Variants in TRNT1 observed in about 807,000 individuals in gnomAD.
TRNT1 encodes CCA tRNA nucleotidyltransferase 1, mitochondrial.
In TRNT1, 44 loss-of-function variants were observed where a neutral mutation model predicts 45.6. That is an observed-to-expected ratio of 0.97 (90% CI 0.76 to 1.24). The LOEUF is 1.24. Ranked by LOEUF, TRNT1 falls within the 50% of genes most tolerant of loss-of-function variation. TRNT1 has a pLI of 0.00. For missense variants in TRNT1, 633 were observed against 504.4 expected (o/e 1.25, Z -2.44); for synonymous variants, 201 against 171.4 (o/e 1.17, Z -1.35).
chr3:3,151,059 G>GAA (rs766649860), downstream of TRNT1: 2 of 1,613,410 alleles, frequency 1.2e-6, no homozygotes, highest in Non-Finnish European at 1.7e-6. Context: ...AGAAATTAAG[G>GAA]AAAGATATCA....
At chr3:3,132,684 A>T (rs1457439220) in intron 2 of TRNT1, among the ~76,000 whole-genome samples, 2 of 5,096 alleles carry the variant, frequency 3.9e-4, no homozygotes, top group Non-Finnish European at 0.2. Flanking sequence ...GAGTATAATA[A>T]AAAAAAAAAA....
At chr3:3,150,259 G>GACA (rs1387905201), downstream of TRNT1, 1 of 152,498 alleles carries the variant, frequency 6.6e-6, no homozygotes, top group Non-Finnish European at 1.5e-5. Context: ...TAAAGGAAAT[G>GACA]ACAACTATTC....
Position 3,129,010 on chromosome 3 carries a change from G to A in TRNT1, c.-27-4G>A. The A allele has an allele frequency of 6.4e-7, 1 of 1,564,718 alleles. No individual in the cohort carries two copies. The highest frequency in any genetic ancestry group is 8.7e-7 in the Non-Finnish European group (1 of 1,151,050). ...ATTGGTATGCCTGTGTATTTGCCTT[G>A]TAGATGTGTAGTTGGTGACTGCCTC... On this transcript the variant is annotated splice_region_variant and splice_polypyrimidine_tract_variant and intron_variant, in intron 1 of 7. Transcript: ENST00000251607.
chr3:3,132,605 C>T (rs546516822), intron 2 of TRNT1, among the ~76,000 whole-genome samples: 10 of 104,680 alleles, frequency 9.6e-5, no homozygotes, highest in African/African-American at 1.1e-4. Flanking sequence ...GTGGGTGCAG[C>T]GCACCAGCAT....
intron 2 of TRNT1, among the ~76,000 whole-genome samples, chr3:3,130,915 C>G (rs140985916): frequency 0.016 from 2,429 of 151,776 alleles, 19 homozygotes; most frequent in Non-Finnish European, 0.022. Flanking sequence ...AACCCCATCT[C>G]TACTAAAAAT....
intron 3 of TRNT1, among the ~76,000 whole-genome samples, chr3:3,138,648 C>T (rs1705466807): frequency 6.6e-6 from 1 of 152,140 alleles, no homozygotes; most frequent in South Asian, 2.1e-4. Flanking sequence ...ATTCTCCTGT[C>T]TTACTTTCTA....
At position 3,147,228 on chromosome 3, in the gene TRNT1, A is replaced by G. The variant is rs556374811; in HGVS notation, c.803-222A>G. Among the ~76,000 whole-genome samples the G allele has an allele frequency of 1.2e-4, 19 of 152,276 alleles. No individual in the cohort carries two copies. In the South Asian group the frequency reaches 3.9e-3, roughly 32 times the overall value. On this transcript the variant is annotated intron_variant, in intron 6 of 7. Coordinates refer to ENST00000251607, the MANE Select transcript of TRNT1 (RefSeq NM_182916.3). ...CCACTACCCCTGGAACTCTTGATGT[A>G]GCTTTAATGGAAACAAGAACATTTT...
downstream of TRNT1, chr3:3,151,069 A>G (rs768046511): frequency 1.2e-6 from 2 of 1,612,394 alleles, no homozygotes; most frequent in Non-Finnish European, 1.7e-6. Context: ...GAAAGATATC[A>G]GCTAAGGAAA....
intron 2 of TRNT1, among the ~76,000 whole-genome samples, chr3:3,134,251 C>G (rs534944125): frequency 6.6e-5 from 10 of 152,234 alleles, no homozygotes; most frequent in African/African-American, 1.9e-4. Context: ...ATAAATAAAT[C>G]TTGAAGCTTG....
intron 2 of TRNT1, chr3:3,130,183 T>C (rs1559214044): frequency 8.8e-6 from 5 of 568,670 alleles, no homozygotes; most frequent in Non-Finnish European, 1.3e-5. Context: ...TGTAGAAATA[T>C]GACCTATACA....
intron 4 of TRNT1, among the ~76,000 whole-genome samples, chr3:3,142,680 A>G (rs545129725): frequency 6.6e-6 from 1 of 152,184 alleles, no homozygotes; most frequent in East Asian, 1.9e-4. Flanking sequence ...TTGCTTCCCA[A>G]ACGCTTATTT....
rs79543369 is a variant in TRNT1, at chr3:3,137,687, A to T, written c.342+234A>T. Among the ~76,000 whole-genome samples the T allele has an allele frequency of 0.033, 4,915 of 150,554 alleles. 213 individuals are homozygous for T. Among genetic ancestry groups the T allele is most frequent in the African/African-American group, 0.092 (3,735 of 40,408 alleles). ...GGGTATTTACTTTTCAGTTTTTACT[A>T]TCCCAGTTTTAAGATGTGTTACGTA... On this transcript the variant is annotated intron_variant, in intron 3 of 7. Transcript: ENST00000251607.
chr3:3,147,133 C>A (rs1239065360), intron 6 of TRNT1, among the ~76,000 whole-genome samples: 1 of 152,060 alleles, frequency 6.6e-6, no homozygotes, highest in Admixed American at 6.6e-5. Flanking sequence ...GGGGGTGGAT[C>A]TTGTATCAGT....
Position 3,148,048 on chromosome 3 carries a change from C to T in TRNT1, c.1199C>T (p.Ser400Leu), listed in dbSNP as rs1706181255. 6.2e-6 allele frequency: 10 copies of T among 1,613,876 alleles called. No individual in the cohort carries two copies. Among genetic ancestry groups the T allele is most frequent in the Non-Finnish European group, 8.5e-6 (10 of 1,179,854 alleles). Residue 400 changes from serine to leucine, a missense_variant, in exon 8 of 8, where the codon TCA becomes TTA. Transcript: ENST00000251607. The stretch of plus-strand genomic sequence containing the variant: ...GACATCAGAAAAGTGGGCATTTCTT[C>T]AGGAAAAGAAATTGGGGCTCTATTA... ...GHDIRKVGIS[S>L]GKEIGALLQQ... is the part of the protein sequence containing the mutation.
intron 4 of TRNT1, among the ~76,000 whole-genome samples, chr3:3,142,086 C>T (rs961157753): frequency 1.3e-5 from 2 of 152,164 alleles, no homozygotes; most frequent in Non-Finnish European, 2.9e-5. Flanking sequence ...GTGCATTTTT[C>T]TCTCAGTTAA....
chr3:3,135,064 A>T (rs899321468), intron 2 of TRNT1, among the ~76,000 whole-genome samples: 1 of 152,120 alleles, frequency 6.6e-6, no homozygotes, highest in Non-Finnish European at 1.5e-5. Flanking sequence ...ATTGCATGGT[A>T]CGAAGGGTAG....
rs1257075413 is a variant in TRNT1, at chr3:3,147,471, T to C, written c.824T>C (p.Leu275Ser). 8 of 1,613,498 alleles carry C rather than the reference T, an allele frequency of 5.0e-6. No individual in the cohort carries two copies. Among genetic ancestry groups the C allele is most frequent in the South Asian group, 1.1e-5 (1 of 91,056 alleles). ...ACAGGTTTACCTGCTAATGCAAGTT[T>C]AGAAGAATTTGACAAAGTCAGTAAA... ...PYIGLPANAS[L>S]EEFDKVSKNV... Residue 275 changes from leucine (L) to serine (S), a missense_variant, in exon 7 of 8, where the codon TTA becomes TCA. Transcript: ENST00000251607.
rs773564475 is a variant in TRNT1, at chr3:3,146,594, T to A, written c.773T>A (p.Ile258Asn). The part of the protein sequence containing the change: ...GNHVNHLIHL[I>N]YDLDVAPYIG... ...CATGTAAATCATTTGATTCACCTTA[T>A]CTATGATCTTGATGTGGCTCCTTAT... The change falls in exon 6 of 8, where the codon ATC (isoleucine) becomes AAC (asparagine). Residue 258 changes from isoleucine (I) to asparagine (N), a missense_variant. Transcript: ENST00000251607. 6.2e-7 allele frequency: 1 copy of A among 1,613,296 alleles called. No homozygotes were observed. Among genetic ancestry groups the A allele is most frequent in the Non-Finnish European group, 8.5e-7 (1 of 1,179,630 alleles).
At chr3:3,142,811 T>G (rs896827215) in intron 4 of TRNT1, among the ~76,000 whole-genome samples, 1 of 152,242 alleles carries the variant, frequency 6.6e-6, no homozygotes, top group Non-Finnish European at 1.5e-5. Flanking sequence ...TATACCATAT[T>G]ATTTGCTACT....
Sources: allele counts gnomAD v4.1 joint callset (sites outside exome capture counted in the v4.1 genomes callset), GRCh38; gene constraint gnomAD v4.1.1; transcripts MANE v1.5; gene names NCBI Gene and HGNC (gene_info 2026-07-23, HGNC 2026-07-21).